PIGG: variants seen among roughly 807,000 people sequenced by gnomAD.
PIGG encodes phosphatidylinositol glycan anchor biosynthesis class G (EMM blood group).
A neutral mutation model predicts 83.2 loss-of-function variants in PIGG; 70 were observed. That is an observed-to-expected ratio of 0.84 (90% CI 0.69 to 1.03). The LOEUF (loss-of-function observed/expected upper bound fraction) is 1.03. Among genes scored for constraint, PIGG ranks in the 50% least tolerant of loss-of-function variants. The probability of loss-of-function intolerance (pLI) is 0.00; values close to 1 mark genes in which losing one functional copy is unlikely to be tolerated. For synonymous variants in PIGG, 532 were observed against 519.5 expected, an observed-to-expected ratio of 1.02 and a Z score of -0.33; for missense variants, 1,257 against 1,233.6, an observed-to-expected ratio of 1.02 and a Z score of -0.28.
intron 9 of PIGG, among the ~76,000 whole-genome samples, chr4:524,272 G>GC (rs1453161262): frequency 1.3e-5 from 2 of 152,256 alleles, no homozygotes; most frequent in East Asian, 1.9e-4. Context: ...TGGGCTGTGT[G>GC]CCCCCCGCCC....
chr4:507,241 A>G lies in PIGG; in HGVS notation c.571-164A>G, dbSNP rs73794923. Among the ~76,000 whole-genome samples, 1,631 of 152,150 alleles carry G rather than the reference A, an allele frequency of 0.011. 33 individuals are homozygous for G. The highest frequency in any genetic ancestry group is 0.038 in the African/African-American group (1,559 of 41,494). ...AGGCATGAGCTGCTGTGTCCAGCCT[A>G]TTTATTTATTTTTAATGACATAGAT... On this transcript the variant is annotated intron_variant, in intron 3 of 12. Coordinates refer to ENST00000453061, the MANE Select transcript of PIGG (RefSeq NM_001127178.3).
At chr4:513,348 CTTA>C (rs1195092738) in intron 5 of PIGG, among the ~76,000 whole-genome samples, 1 of 152,046 alleles carries the variant, frequency 6.6e-6, no homozygotes, top group African/African-American at 2.4e-5. Flanking sequence ...TGTTAAAATG[CTTA>C]TTATTTTGAA....
chr4:516,586 G>A (rs773674683), intron 6 of PIGG, among the ~76,000 whole-genome samples: 13 of 151,588 alleles, frequency 8.6e-5, no homozygotes, highest in Non-Finnish European at 1.3e-4. Context: ...GGCTGGGTGC[G>A]GTGGCTCACG....
Position 521,144 on chromosome 4 carries a change from A to G in PIGG, c.1203A>G (p.Leu401=), listed in dbSNP as rs1725733271. The change falls in exon 7 of 13, where the codon CTA becomes CTG. Residue 401 remains leucine (L), a synonymous_variant. Coordinates refer to ENST00000453061, the MANE Select transcript of PIGG (RefSeq NM_001127178.3). ...LYLEEKHSEV[L]FNLGSKVLRQ... is the part of the protein sequence containing the mutation. Reference sequence around the variant, plus strand: ...TGGAGGAAAAGCATTCAGAAGTCCTATTCAACCTGGGCTCCAAGGTTCTCA... The same window carrying G: ...TGGAGGAAAAGCATTCAGAAGTCCTGTTCAACCTGGGCTCCAAGGTTCTCA... The G allele has an allele frequency of 1.2e-6, 2 of 1,614,108 alleles. No homozygotes were observed. Among genetic ancestry groups the G allele is most frequent in the African/African-American group, 1.3e-5 (1 of 75,050 alleles).
intron 5 of PIGG, among the ~76,000 whole-genome samples, chr4:511,091 C>T (rs1721754318): frequency 2.0e-5 from 3 of 151,994 alleles, no homozygotes; most frequent in African/African-American, 4.8e-5. Flanking sequence ...ATCGGGAGTT[C>T]GAGACCAGCC....
At position 539,377 on chromosome 4, in the gene PIGG, T is replaced by C. The variant is rs1340306389; in HGVS notation, c.*8T>C. 6.6e-7 allele frequency: 1 copy of C among 1,512,768 alleles called. No homozygotes were observed. The highest frequency in any genetic ancestry group is 9.2e-7 in the Non-Finnish European group (1 of 1,092,162). The allele number at this position is 1,512,768 out of a possible 1,614,324, so 93.7% of individuals were successfully genotyped here. On this transcript the variant is annotated 3_prime_UTR_variant, in exon 13 of 13. Transcript: ENST00000453061. ...AGACTCACACAGTCTTAGACTAAGCTGAACACTGGAAAAATAATACATGCT... is the reference window on the plus strand; with the variant it reads ...AGACTCACACAGTCTTAGACTAAGCCGAACACTGGAAAAATAATACATGCT...
chr4:504,398 C>T (rs1718871168), intron 2 of PIGG, among the ~76,000 whole-genome samples: 1 of 152,200 alleles, frequency 6.6e-6, no homozygotes, highest in Non-Finnish European at 1.5e-5. Context: ...GGGAGCCGCC[C>T]TGTGTAGAAA....
chr4:508,378 T>TCCC (rs1720600683), intron 4 of PIGG, among the ~76,000 whole-genome samples: 1 of 152,212 alleles, frequency 6.6e-6, no homozygotes, highest in African/African-American at 2.4e-5. Flanking sequence ...AAAGGATGTG[T>TCCC]GGCTGCAACC....
intron 5 of PIGG, among the ~76,000 whole-genome samples, chr4:513,617 G>A (rs1280586600): frequency 6.6e-6 from 1 of 152,170 alleles, no homozygotes; most frequent in Non-Finnish European, 1.5e-5. Flanking sequence ...GGCACCTAGT[G>A]GATGTTTTAT....
intron 5 of PIGG, among the ~76,000 whole-genome samples, chr4:510,899 T>C (rs1553883027): frequency 6.6e-6 from 1 of 152,056 alleles, no homozygotes; most frequent in African/African-American, 2.4e-5. Context: ...ATTTGCCTCT[T>C]CTGCATGTTT....
chr4:530,348 G>C, intron 10 of PIGG, 88 bp from the exon 11 acceptor site: 1 of 912,818 alleles, frequency 1.1e-6, no homozygotes, highest in South Asian at 1.6e-5. Flanking sequence ...CTGGTTCCCT[G>C]GGTAGATAGG....
At chr4:505,535 A>G (rs1553878320) in intron 2 of PIGG, among the ~76,000 whole-genome samples, 183 bp from the exon 3 acceptor site, 1 of 147,250 alleles carries the variant, frequency 6.8e-6, no homozygotes, top group East Asian at 2.0e-4. Flanking sequence ...TGGGAGGCCA[A>G]GGTGGGAGGA....
chr4:537,883 A>G (rs1161511933), intron 12 of PIGG, among the ~76,000 whole-genome samples: 2 of 152,190 alleles, frequency 1.3e-5, no homozygotes, highest in Admixed American at 6.5e-5. Context: ...CCCTTTCCTG[A>G]GCAGTGAGCA....
In PIGG at chr4:527,200, C is replaced by G; in HGVS notation, c.2231C>G (p.Pro744Arg). 6.2e-7 allele frequency: 1 copy of G among 1,603,668 alleles called. No individual in the cohort carries two copies. The highest frequency in any genetic ancestry group is 1.1e-5 in the South Asian group (1 of 89,812). ...YRAAIGSVRF[P>R]WRPDSKDISK... is the part of the protein sequence containing the mutation. ...GCGGCCATCGGGAGTGTCCGGTTCC[C>G]GTGGCGGCCGGACAGCAAGGACATT... Residue 744 changes from proline to arginine, a missense_variant, in exon 10 of 13, where the codon CCG (proline) becomes CGG (arginine). Physicochemically the swap from Pro to Arg is moderately radical, Grantham distance 103. Transcript: ENST00000453061.
At chr4:507,625 T>G in intron 4 of PIGG, 32 bp downstream of exon 4, 2 of 1,572,988 alleles carry the variant, frequency 1.3e-6, no homozygotes, top group Non-Finnish European at 1.7e-6. Context: ...TGTCTGCTGA[T>G]GTGGTTTCAC....
intron 10 of PIGG, chr4:527,665 A>G: frequency 1.0e-6 from 1 of 988,658 alleles, no homozygotes; most frequent in Non-Finnish European, 1.2e-6. Flanking sequence ...TGGGAAATGA[A>G]GCTTGCTGGA....
At position 515,991 on chromosome 4, in the gene PIGG, A is replaced by C; in HGVS notation, c.920A>C (p.Lys307Thr). ...ERKPGDIRHP[K>T]HVQQTDVAAT... ...CTTCTAGGTGATATCCGACATCCAA[A>C]GCACGTCCAACAGACGGATGTGGCT... Residue 307 changes from lysine (K) to threonine (T), a missense_variant, in exon 6 of 13, where the codon AAG becomes ACG. Coordinates refer to ENST00000453061, the MANE Select transcript of PIGG (RefSeq NM_001127178.3). This position sits in a 1 kb window ranked among gnomAD's most constrained non-coding sequence, Gnocchi z 4.2. The C allele has an allele frequency of 6.2e-7, 1 of 1,614,114 alleles. No homozygotes were observed. The highest frequency in any genetic ancestry group is 8.5e-7 in the Non-Finnish European group (1 of 1,179,908).
rs967695165 is a variant in PIGG, at chr4:528,098, C to T, written c.2261+868C>T. 132 of 985,038 alleles carry T rather than the reference C, an allele frequency of 1.3e-4. No individual in the cohort carries two copies. Among genetic ancestry groups the T allele is most frequent in the Non-Finnish European group, 1.5e-4 (122 of 829,856 alleles). 61.0% of individuals were successfully genotyped at this position (985,038 alleles called of 1,614,324 possible). The stretch of plus-strand genomic sequence containing the variant: ...TGACCGTCCCAGTGAGGTCGGTGCT[C>T]TGATAGTGACCCTCTCAGTGAGGTC... On this transcript the variant is annotated intron_variant, in intron 10 of 12. Coordinates refer to ENST00000453061, the MANE Select transcript of PIGG (RefSeq NM_001127178.3). The surrounding 1 kb of genome is among the most constrained non-coding windows in gnomAD (Gnocchi z 4.8).
rs970234271 is a variant in PIGG, at chr4:521,836, C to G, written c.1509C>G (p.Leu503=). ...SAESSCYFCG[L]SWLAAGGVMV... The stretch of plus-strand genomic sequence containing the variant: ...AAAGTTCGTGCTACTTCTGTGGCCT[C>G]TCGTGGCTGGCGGCAGGTGGGGTGA... The change falls in exon 8 of 13, where the codon CTC becomes CTG. Residue 503 remains leucine (L), a synonymous_variant. Transcript: ENST00000453061. 2 of 1,614,186 alleles carry G rather than the reference C, an allele frequency of 1.2e-6. No individual in the cohort carries two copies. Among genetic ancestry groups the G allele is most frequent in the Non-Finnish European group, 1.7e-6 (2 of 1,180,028 alleles).
Sources: allele counts gnomAD v4.1 joint callset (sites outside exome capture counted in the v4.1 genomes callset), GRCh38; gene constraint gnomAD v4.1.1; non-coding constraint Gnocchi (gnomAD v3.1); transcripts MANE v1.5; gene names NCBI Gene and HGNC (gene_info 2026-07-23, HGNC 2026-07-21).